Variants in ST7 observed in about 807,000 individuals in gnomAD.
The protein encoded by ST7 is suppression of tumorigenicity 7.
In ST7, 28 loss-of-function variants were observed where a neutral mutation model predicts 78.7. That is an observed-to-expected ratio of 0.36 (90% CI 0.26 to 0.49). The LOEUF is 0.49. Ranked by LOEUF, ST7 falls within the 20% of genes least tolerant of loss-of-function variation. The pLI is 0.99. For missense variants in ST7, 418 were observed against 696.0 expected (o/e 0.60, Z 4.49); for synonymous variants, 247 against 249.6 (o/e 0.99, Z 0.10).
chr7:117,163,333 G>A (rs10224800), intron 9 of ST7, among the ~76,000 whole-genome samples: 41,499 of 151,864 alleles, frequency 0.27, 7,178 homozygotes, highest in African/African-American at 0.5. Flanking sequence ...TTCTATTTGT[G>A]GTTTTTTTGA....
At position 117,227,124 on chromosome 7, in the gene ST7, C is replaced by G. The variant is rs193301178; in HGVS notation, c.1639-2638C>G. On this transcript the variant is annotated intron_variant, in intron 15 of 15. Coordinates refer to ENST00000323984, the MANE Select transcript of ST7 (RefSeq NM_001369598.1). ...AATAAAGGCCTTTATTTTAAGCCAA[C>G]CTTGTAACATCTCCATTCATTCTAC... 3.1e-3 allele frequency among the ~76,000 whole-genome samples: 466 copies of G among 152,324 alleles called. 12 individuals are homozygous for G. The highest frequency in any genetic ancestry group is 7.5e-4 in the Non-Finnish European group (51 of 68,024).
chr7:117,200,063 G>A (rs968326838), intron 12 of ST7, among the ~76,000 whole-genome samples: 3 of 152,038 alleles, frequency 2.0e-5, no homozygotes, highest in Non-Finnish European at 4.4e-5. Context: ...CCCAAGTCAC[G>A]GGGTCTTCAC....
chr7:117,020,632 A>G (rs2116024868), intron 1 of ST7: 1 of 1,550,870 alleles, frequency 6.4e-7, no homozygotes, highest in Non-Finnish European at 8.7e-7. Context: ...ATCTTCATGT[A>G]AGTAAATGGA....
chr7:116,970,223 T>C (rs1793347820), intron 1 of ST7, among the ~76,000 whole-genome samples: 2 of 152,174 alleles, frequency 1.3e-5, no homozygotes, highest in African/African-American at 2.4e-5. Context: ...TGATTAGTGG[T>C]ACATATTTTG....
intron 1 of ST7, chr7:116,966,023 C>G (rs1327636475): frequency 2.3e-6 from 1 of 436,998 alleles, no homozygotes; most frequent in African/African-American, 2.1e-5. Flanking sequence ...TCATGCCCAC[C>G]TGGCCATTGG....
At chr7:117,077,840 C>A (rs1032969912) in intron 1 of ST7, among the ~76,000 whole-genome samples, 1 of 132,546 alleles carries the variant, frequency 7.5e-6, no homozygotes, top group Non-Finnish European at 1.6e-5. Context: ...GTATTGATTT[C>A]TTTCTTTTTT....
At chr7:117,193,012 T>G (rs574032066) in intron 12 of ST7, among the ~76,000 whole-genome samples, 7 of 152,306 alleles carry the variant, frequency 4.6e-5, no homozygotes, top group African/African-American at 1.7e-4. Context: ...GGGGGAGATG[T>G]GTTTCCAGAT....
rs58017025 is a variant in ST7, at chr7:117,208,902, GGTGTGTGTGT to G, written c.1255-852_1255-843del. On this transcript the variant is annotated intron_variant, in intron 12 of 15. Transcript: ENST00000323984. The stretch of plus-strand genomic sequence containing the variant: ...TGGTGGTGGGGTGGGTGTATGTGTG[GGTGTGTGTGT>G]GTGTGTGTGTGTGTGTGTGTGTGTG... Among the ~76,000 whole-genome samples the G allele has an allele frequency of 9.5e-3, 1,319 of 139,552 alleles. 20 individuals carry two copies. Among genetic ancestry groups the G allele is most frequent in the African/African-American group, 0.024 (880 of 36,920 alleles). 91.6% of individuals were successfully genotyped at this position (139,552 alleles called of 152,430 possible). A position where few individuals can be genotyped will look rare whatever the true frequency, so the allele number is the denominator to read the frequency against.
At chr7:117,088,530 A>AC (rs1381534989) in intron 1 of ST7, among the ~76,000 whole-genome samples, 1 of 152,226 alleles carries the variant, frequency 6.6e-6, no homozygotes, top group Non-Finnish European at 1.5e-5. Context: ...ATCTGTTCAA[A>AC]CAGTTGATTA....
chr7:117,111,992 G>A (rs1004491525), intron 2 of ST7, among the ~76,000 whole-genome samples: 2 of 152,020 alleles, frequency 1.3e-5, no homozygotes, highest in African/African-American at 4.8e-5. Flanking sequence ...GTGTGTGTAT[G>A]TATTTCATTG....
chr7:117,067,831 G>A (rs1304739476), intron 1 of ST7, among the ~76,000 whole-genome samples: 1 of 152,198 alleles, frequency 6.6e-6, no homozygotes, highest in East Asian at 1.9e-4. Flanking sequence ...TCAACTTTAT[G>A]AGCAAGGATG....
chr7:117,223,873 A>G (rs1793277779), intron 15 of ST7: 1 of 853,504 alleles, frequency 1.2e-6, no homozygotes. Flanking sequence ...CCTTGCTCAT[A>G]GTAGGTTTTC....
intron 1 of ST7, chr7:116,955,207 T>A: frequency 2.3e-6 from 1 of 435,768 alleles, no homozygotes; most frequent in Admixed American, 3.0e-5. Flanking sequence ...TAAGAAGTTG[T>A]TTGAATATAT....
intron 1 of ST7, among the ~76,000 whole-genome samples, chr7:116,974,314 G>T (rs539439071): frequency 4.0e-5 from 6 of 150,204 alleles, no homozygotes; most frequent in African/African-American, 1.5e-4. Flanking sequence ...TTGAGACAGA[G>T]CCTCACTGTG....
chr7:117,084,878 A>T (rs1392236395), intron 1 of ST7, among the ~76,000 whole-genome samples: 2 of 152,190 alleles, frequency 1.3e-5, no homozygotes, highest in African/African-American at 2.4e-5. Context: ...TTGAGAATAA[A>T]ATTATATTTT....
chr7:117,222,880 C>G (rs370892077), intron 15 of ST7: 3 of 1,614,002 alleles, frequency 1.9e-6, no homozygotes, highest in Non-Finnish European at 2.5e-6. Context: ...ATTTTCTGCT[C>G]GGCAGAGTTC....
At chr7:117,196,667 G>C (rs1810344607) in intron 12 of ST7, among the ~76,000 whole-genome samples, 1 of 67,880 alleles carries the variant, frequency 1.5e-5, no homozygotes, top group East Asian at 8.8e-4. Flanking sequence ...TGAGTTGTAG[G>C]AGTTGCTTAT....
intron 1 of ST7, among the ~76,000 whole-genome samples, chr7:116,979,981 CAG>C (rs1226346983): frequency 6.3e-4 from 2 of 3,198 alleles, no homozygotes; most frequent in Admixed American, 6.7e-3. Flanking sequence ...TTTTTGGAGA[CAG>C]AGTCTCACTC....
chr7:117,225,127 A>T (rs528128822), intron 15 of ST7, among the ~76,000 whole-genome samples: 10 of 152,248 alleles, frequency 6.6e-5, no homozygotes, highest in African/African-American at 2.4e-4. Flanking sequence ...AAGGATAGTG[A>T]CTAGAATACA....
Sources: gnomAD v4.1 joint callset for allele counts (sites outside exome capture counted in the v4.1 genomes callset) on GRCh38, gnomAD v4.1.1 for gene constraint, MANE v1.5 for transcripts, NCBI Gene and HGNC (gene_info 2026-07-23, HGNC 2026-07-21) for gene names.